AIDA: variants seen among roughly 807,000 people sequenced by gnomAD.
AIDA encodes the protein axin interactor, dorsalization-associated protein.
AIDA carries 18 observed loss-of-function variants against 42.7 expected under a neutral mutation model. The ratio of observed to expected loss-of-function variants is 0.42; its 90% CI spans 0.29 to 0.63. The LOEUF is 0.63. Ranked by LOEUF, AIDA falls within the 20% of genes least tolerant of loss-of-function variation. The pLI is 0.19. For missense variants in AIDA, 250 were observed against 354.1 expected, an observed-to-expected ratio of 0.71 and a Z score of 2.36; for synonymous variants, 104 against 122.9, an observed-to-expected ratio of 0.85 and a Z score of 1.02.
intron 4 of AIDA, among the ~76,000 whole-genome samples, chr1:222,689,485 A>G (rs186208321): frequency 0.24 from 8,372 of 35,098 alleles, 648 homozygotes; most frequent in African/African-American, 0.45. Flanking sequence ...GTGTGTGTAT[A>G]TATATATATA....
chr1:222,700,776 C>T (rs35507977), intron 2 of AIDA, among the ~76,000 whole-genome samples: 122,168 of 150,916 alleles, frequency 0.81, 49,752 homozygotes, highest in Non-Finnish European at 0.84. Context: ...AAAAGATCTG[C>T]GGGTCTTTGC....
Position 222,669,895 on chromosome 1 carries a change from A to G in AIDA, c.919T>C (p.Ter307ArgextTer2). 1.2e-6 allele frequency: 2 copies of G among 1,610,476 alleles called. No individual in the cohort carries two copies. Among genetic ancestry groups the G allele is most frequent in the South Asian group, 1.1e-5 (1 of 90,774 alleles). ...GTTCCAGGTTCATCATGTCAGGATC[A>G]TTCCTTGTGCAAAGTTTGATGTAGA... Reference protein sequence around the residue: ...LHLHQTLHKE* With the variant: ...LHLHQTLHKER Residue 307 changes from the stop codon to arginine, a stop_lost, in exon 10 of 10, where the codon TGA (stop) becomes CGA (arginine). Coordinates refer to ENST00000340020, the MANE Select transcript of AIDA (RefSeq NM_022831.4).
Position 222,712,350 on chromosome 1 carries a change from AC to A in AIDA, c.-34del, listed in dbSNP as rs1656106422. 1 of 1,491,164 alleles carries A rather than the reference AC, an allele frequency of 6.7e-7. No homozygotes were observed. Among genetic ancestry groups the A allele is most frequent in the African/African-American group, 1.5e-5 (1 of 65,336 alleles). The allele number at this position is 1,491,164 out of a possible 1,614,324, so 92.4% of individuals were successfully genotyped here. On this transcript the variant is annotated 5_prime_UTR_variant, in exon 1 of 10. Transcript: ENST00000340020. ...CCCCACCCCGTCCCCTCCCGCCCCT[AC>A]CCCAGCAAGGCCGGGTTCTAGGGCG...
rs767799244 is a variant in AIDA at position 222,706,854 on chromosome 1, CAA to C, written c.111-3639_111-3638del. Among the ~76,000 whole-genome samples the C allele has an allele frequency of 7.2e-3, 519 of 72,068 alleles. 2 individuals carry two copies. The highest frequency in any genetic ancestry group is 0.02 in the African/African-American group (411 of 20,784). 47.3% of individuals were successfully genotyped at this position (72,068 alleles called of 152,430 possible). On this transcript the variant is annotated intron_variant, in intron 1 of 9. Transcript: ENST00000340020. The stretch of plus-strand genomic sequence containing the variant: ...AGGGTAACAGAGTGGGACTGCGCCT[CAA>C]AAAAAAAAAAAAAAAAAAAAGATCA...
chr1:222,695,653 AAGAAACATATATC>A lies in AIDA; in HGVS notation c.181-1403_181-1391del, dbSNP rs71827667. Among the ~76,000 whole-genome samples the A allele has an allele frequency of 1.3e-3, 191 of 152,110 alleles. 6 individuals carry two copies. In the South Asian group the frequency reaches 0.017, roughly 13 times the overall value. ...GTAGAAATTAAAGGGAGATTCATAT[AAGAAACATATATC>A]AGGGCAGGCAGCTAATTATGCCCAT... On this transcript the variant is annotated intron_variant, in intron 2 of 9. Transcript: ENST00000340020.
chr1:222,674,814 A>G (rs1664515920), intron 7 of AIDA, among the ~76,000 whole-genome samples: 1 of 152,230 alleles, frequency 6.6e-6, no homozygotes, highest in Non-Finnish European at 1.5e-5. Context: ...AAAACAATAT[A>G]GTACATTGAT....
In AIDA at chr1:222,669,711, C is replaced by T. The variant is rs978200425; in HGVS notation, c.*182G>A. On this transcript the variant is annotated 3_prime_UTR_variant, in exon 10 of 10. Coordinates refer to ENST00000340020, the MANE Select transcript of AIDA (RefSeq NM_022831.4). ...AACCTGTATCCCAAGGAGTCCTATA[C>T]GTCAGTGTGATGTGCTGGACTCTGA... is the stretch of plus-strand genomic sequence containing the variant. 13 of 731,012 alleles carry T rather than the reference C, an allele frequency of 1.8e-5. No individual in the cohort carries two copies. The highest frequency in any genetic ancestry group is 2.8e-5 in the East Asian group (1 of 35,468). 45.3% of individuals were successfully genotyped at this position (731,012 alleles called of 1,614,324 possible).
intron 6 of AIDA, among the ~76,000 whole-genome samples, chr1:222,680,416 CA>C (rs1386857961): frequency 6.6e-6 from 1 of 152,164 alleles, no homozygotes; most frequent in Non-Finnish European, 1.5e-5. Flanking sequence ...GGAAATTTTT[CA>C]ATTCAATGTG....
intron 2 of AIDA, 63 bp from the exon 3 acceptor site, chr1:222,694,326 A>G: frequency 7.5e-7 from 1 of 1,329,788 alleles, no homozygotes; most frequent in Middle Eastern, 1.9e-4. Context: ...TCAAATCATC[A>G]AGTTAATTTT....
chr1:222,688,635 C>T (rs896801579), intron 4 of AIDA, among the ~76,000 whole-genome samples: 1 of 151,354 alleles, frequency 6.6e-6, no homozygotes. Context: ...AGTCTCGCTC[C>T]GTTGCCCAGG....
chr1:222,712,462 A>C lies in AIDA; in HGVS notation c.-145T>G. 1.4e-6 allele frequency: 2 copies of C among 1,427,000 alleles called. No homozygotes were observed. Among genetic ancestry groups the C allele is most frequent in the Non-Finnish European group, 1.8e-6 (2 of 1,093,928 alleles). 88.4% of individuals were successfully genotyped at this position (1,427,000 alleles called of 1,614,324 possible). On this transcript the variant is annotated 5_prime_UTR_variant, in exon 1 of 10. Transcript: ENST00000340020. ...ACCGCCACCCGCCGAGGAGCCGCCC[A>C]AGCCCATTTGCCGCCACAGCCAAAC...
intron 2 of AIDA, among the ~76,000 whole-genome samples, chr1:222,700,141 C>G (rs990615598): frequency 6.6e-6 from 1 of 152,140 alleles, no homozygotes; most frequent in Non-Finnish European, 1.5e-5. Flanking sequence ...TTATCCAAGT[C>G]CAAAGAATAG....
intron 4 of AIDA, among the ~76,000 whole-genome samples, chr1:222,689,475 GTGTGTGTA>G: frequency 3.1e-5 from 1 of 32,776 alleles, no homozygotes; most frequent in East Asian, 1.6e-3. Flanking sequence ...ATGTATGTGT[GTGTGTGTA>G]TATATATATA....
rs1171970572 is a variant in AIDA at position 222,669,582 on chromosome 1, A to G, written c.*311T>C. On this transcript the variant is annotated 3_prime_UTR_variant, in exon 10 of 10. Coordinates refer to ENST00000340020, the MANE Select transcript of AIDA (RefSeq NM_022831.4). ...AAGATGAGCACATCCTACCCACAAC[A>G]GTATTGTTCCAGGAAGCAGGGTAGG... The G allele has an allele frequency of 7.5e-6, 2 of 266,468 alleles. No homozygotes were observed. Among genetic ancestry groups the G allele is most frequent in the Admixed American group, 4.8e-5 (1 of 20,838 alleles). The allele number at this position is 266,468 out of a possible 1,614,324, so 16.5% of individuals were successfully genotyped here. A position where few individuals can be genotyped will look rare whatever the true frequency, so the allele number is the denominator to read the frequency against.
rs936451448 is a variant in AIDA, at chr1:222,699,181, AC to A, written c.180+3966del. ...CTTTCAAAGTTGTGCAAACTATTGAACGGTTGGCATAATTCTAAGATTTGCC... is the reference window on the plus strand; with the variant it reads ...CTTTCAAAGTTGTGCAAACTATTGAAGGTTGGCATAATTCTAAGATTTGCC... On this transcript the variant is annotated intron_variant, in intron 2 of 9. Transcript: ENST00000340020. 7.6e-4 allele frequency among the ~76,000 whole-genome samples: 116 copies of A among 152,268 alleles called. 1 individual carries two copies. The highest frequency in any genetic ancestry group is 2.7e-3 in the African/African-American group (114 of 41,560).
intron 4 of AIDA, among the ~76,000 whole-genome samples, chr1:222,689,481 G>GTATGTATGTA (rs1553294373): frequency 2.8e-5 from 1 of 35,330 alleles, no homozygotes; most frequent in Non-Finnish European, 5.9e-5. Context: ...GTGTGTGTGT[G>GTATGTATGTA]TATATATATA....
rs200779084 is a variant in AIDA, at chr1:222,711,694, T to TC, written c.110+513dup. ...CCCTGGCCCTCGTTGCTTCCTGGGC[T>TC]CCCCCCCATCCCCTCAATCGCAAAC... On this transcript the variant is annotated intron_variant, in intron 1 of 9. Transcript: ENST00000340020. 229 of 152,048 alleles carry TC rather than the reference T, an allele frequency of 1.5e-3. 6 individuals are homozygous for TC. The South Asian group carries it at 0.021, about 14-fold the overall frequency. The allele number at this position is 152,048 out of a possible 1,614,324, so 9.4% of individuals were successfully genotyped here.
At chr1:222,689,709 A>ATT (rs1312489836) in intron 4 of AIDA, among the ~76,000 whole-genome samples, 3 of 151,396 alleles carry the variant, frequency 2.0e-5, no homozygotes, top group Non-Finnish European at 2.9e-5. Context: ...TAAAGTTAAT[A>ATT]AAGTTTATAT....
At chr1:222,688,394 A>C (rs1655257405) in intron 4 of AIDA, among the ~76,000 whole-genome samples, 1 of 152,146 alleles carries the variant, frequency 6.6e-6, no homozygotes, top group African/African-American at 2.4e-5. Context: ...TATTATAATC[A>C]GTCATGCACC....
Sources: gnomAD v4.1 joint callset for allele counts (sites outside exome capture counted in the v4.1 genomes callset) on GRCh38, gnomAD v4.1.1 for gene constraint, MANE v1.5 for transcripts, NCBI Gene and HGNC (gene_info 2026-07-23, HGNC 2026-07-21) for gene names.